PKD1L1: variants seen among roughly 807,000 people sequenced by gnomAD.
PKD1L1 encodes polycystin-1-like protein 1.
A neutral mutation model predicts 323.4 loss-of-function variants in PKD1L1; 236 were observed. The ratio of observed to expected loss-of-function variants is 0.73; its 90% CI spans 0.66 to 0.81. The LOEUF is 0.81. Among genes scored for constraint, PKD1L1 ranks in the 40% least tolerant of loss-of-function variants. The probability of loss-of-function intolerance (pLI) is 0.00; values close to 1 mark genes in which losing one functional copy is unlikely to be tolerated. For synonymous variants in PKD1L1, 1,344 were observed against 1,335.0 expected (o/e 1.01, Z -0.15); for missense variants, 3,320 against 3,508.0 (o/e 0.95, Z 1.35).
rs1786861325 is a variant in PKD1L1 at position 47,788,460 on chromosome 7, G to A, written c.8526+4167C>T. On this transcript the variant is annotated intron_variant, in intron 56 of 56. Transcript: ENST00000289672. Reference sequence around the variant, plus strand: ...TGTGCACCATGCCGGGTTAATTTTTGTTGGCCAGGCTGGTCTCAAACTCCT... The same window carrying A: ...TGTGCACCATGCCGGGTTAATTTTTATTGGCCAGGCTGGTCTCAAACTCCT... Among the ~76,000 whole-genome samples, 3 of 150,184 alleles carry A rather than the reference G, an allele frequency of 2.0e-5. No homozygotes were observed. In the South Asian group the frequency reaches 6.3e-4, roughly 31 times the overall value.
rs116210151 is a variant in PKD1L1, at chr7:47,837,731, G to A, written c.5770-637C>T. ...CCACAGTGTCTGGCACACAGTGGGA[G>A]ATACGTTGTTTAGGAATTGCACTAA... On this transcript the variant is annotated intron_variant, in intron 36 of 56. Coordinates refer to ENST00000289672, the MANE Select transcript of PKD1L1 (RefSeq NM_138295.5). Among the ~76,000 whole-genome samples, 1,298 of 152,270 alleles carry A rather than the reference G, an allele frequency of 8.5e-3. 25 individuals carry two copies. The highest frequency in any genetic ancestry group is 0.029 in the African/African-American group (1,187 of 41,550).
At chr7:47,855,394 C>G in intron 28 of PKD1L1, 129 bp from the exon 29 acceptor site, 1 of 583,102 alleles carries the variant, frequency 1.7e-6, no homozygotes, top group Non-Finnish European at 2.9e-6. Context: ...ATATTAGAAG[C>G]TAGCATACAA....
intron 24 of PKD1L1, among the ~76,000 whole-genome samples, chr7:47,869,246 C>T (rs1292113991): frequency 6.6e-6 from 1 of 152,056 alleles, no homozygotes; most frequent in African/African-American, 2.4e-5. Flanking sequence ...AAATGGCATA[C>T]ATAAATCCAT....
intron 56 of PKD1L1, among the ~76,000 whole-genome samples, chr7:47,791,796 C>T (rs140802412): frequency 1.2e-4 from 19 of 152,298 alleles, no homozygotes; most frequent in African/African-American, 4.6e-4. Flanking sequence ...TTCATTGCCA[C>T]TCAGTCATGT....
chr7:47,840,355 T>TA lies in PKD1L1; in HGVS notation c.5552+105dup. The TA allele has an allele frequency of 1.3e-6, 1 of 745,358 alleles. No individual in the cohort carries two copies. The highest frequency in any genetic ancestry group is 1.7e-5 in the South Asian group (1 of 58,424). The allele number at this position is 745,358 out of a possible 1,614,324, so 46.2% of individuals were successfully genotyped here. A position where few individuals can be genotyped will look rare whatever the true frequency, so the allele number is the denominator to read the frequency against. On this transcript the variant is annotated intron_variant, in intron 35 of 56. Transcript: ENST00000289672. This position sits in a 1 kb window ranked among gnomAD's most constrained non-coding sequence, Gnocchi z 4.1. Reference sequence around the variant, plus strand: ...TTGTATATAAATCGATGCTCACTATTAGAGACCAATGTTATGTATTCTACT... The same window carrying TA: ...TTGTATATAAATCGATGCTCACTATTAAGAGACCAATGTTATGTATTCTACT...
Position 47,812,034 on chromosome 7 carries a change from G to A in PKD1L1, c.7364C>T (p.Ala2455Val). The change falls in exon 50 of 57, where the codon GCC becomes GTC. Residue 2455 changes from alanine to valine, a missense_variant. Physicochemically the swap from Ala to Val is moderately conservative, Grantham distance 64. Transcript: ENST00000289672. ...CATGCTGGCCCTGAGTCGGGACAGG[G>A]CTGTGTGGGCTTCAGTCCTGTAAAA... The part of the protein sequence containing the change: ...LGRTRTEAHT[A>V]LSRLRASMWI... 1.3e-6 allele frequency: 2 copies of A among 1,563,302 alleles called. No homozygotes were observed. The highest frequency in any genetic ancestry group is 1.7e-6 in the Non-Finnish European group (2 of 1,153,758).
intron 41 of PKD1L1, 128 bp downstream of exon 41, chr7:47,832,961 GT>G (rs1189879987): frequency 2.3e-6 from 3 of 1,286,660 alleles, no homozygotes; most frequent in East Asian, 5.2e-5. Flanking sequence ...CCCATGCCTG[GT>G]TTTTAGATGA....
At chr7:47,783,764 T>G (rs1786747702) in intron 56 of PKD1L1, among the ~76,000 whole-genome samples, 1 of 152,188 alleles carries the variant, frequency 6.6e-6, no homozygotes, top group Non-Finnish European at 1.5e-5. Context: ...ACCCTGACCT[T>G]GGACTTCTGG....
chr7:47,783,774 G>A lies in PKD1L1; in HGVS notation c.8527-8608C>T, dbSNP rs193116746. ...CTGACACCCTGACCTTGGACTTCTG[G>A]CCTCCAGACTACAAGAGAATAAATT... On this transcript the variant is annotated intron_variant, in intron 56 of 56. Transcript: ENST00000289672. Among the ~76,000 whole-genome samples, 3 of 152,284 alleles carry A rather than the reference G, an allele frequency of 2.0e-5. No homozygotes were observed. In the East Asian group the frequency reaches 5.8e-4, roughly 29 times the overall value.
At chr7:47,803,145 G>C in intron 53 of PKD1L1, 65 bp downstream of exon 53, 1 of 1,587,272 alleles carries the variant, frequency 6.3e-7, no homozygotes, top group Non-Finnish European at 8.6e-7. Context: ...CCTTGAGAAA[G>C]GCTGACGAGT....
chr7:47,839,587 G>A lies in PKD1L1; in HGVS notation c.5628C>T (p.Phe1876=). 1.2e-6 allele frequency: 2 copies of A among 1,600,444 alleles called. 1 individual carries two copies. Among genetic ancestry groups the A allele is most frequent in the Non-Finnish European group, 1.7e-6 (2 of 1,173,892 alleles). ...HDSRGPSPGW[F]ISHVMVKELH... Reference sequence around the variant, plus strand: ...GCTCCTTCACCATCACGTGGCTGATGAACCAGCCTGGGGAAGGCCCACGGC... The same window carrying A: ...GCTCCTTCACCATCACGTGGCTGATAAACCAGCCTGGGGAAGGCCCACGGC... The change falls in exon 36 of 57, where the codon TTC becomes TTT. Residue 1876 remains phenylalanine (F), a synonymous_variant. Transcript: ENST00000289672. This position sits in a 1 kb window ranked among gnomAD's most constrained non-coding sequence, Gnocchi z 4.3.
rs77154244 is a variant in PKD1L1, at chr7:47,808,520, C to G, written c.7687-133G>C. ...GGGATGCCTTCTGAGAAATGCATCG[C>G]TGGGTGATTTTGTCCTTGGGGGAAC... On this transcript the variant is annotated intron_variant, in intron 51 of 56. Coordinates refer to ENST00000289672, the MANE Select transcript of PKD1L1 (RefSeq NM_138295.5). 54,419 of 1,101,940 alleles carry G rather than the reference C, an allele frequency of 0.049. 1,788 individuals are homozygous for G. Among genetic ancestry groups the G allele is most frequent in the South Asian group, 0.13 (8,620 of 64,644 alleles). The allele number at this position is 1,101,940 out of a possible 1,614,324, so 68.3% of individuals were successfully genotyped here. A position where few individuals can be genotyped will look rare whatever the true frequency, so the allele number is the denominator to read the frequency against.
At position 47,775,031 on chromosome 7, in the gene PKD1L1, T is replaced by A; in HGVS notation, c.*112A>T. The A allele has an allele frequency of 8.5e-7, 1 of 1,171,144 alleles. No individual in the cohort carries two copies. The highest frequency in any genetic ancestry group is 1.2e-6 in the Non-Finnish European group (1 of 808,770). The allele number at this position is 1,171,144 out of a possible 1,614,324, so 72.5% of individuals were successfully genotyped here. ...GTGAACTGGAAAAATTAACAAAACT[T>A]CTTCGTACCTCAGCTCTTCTCACCT... On this transcript the variant is annotated 3_prime_UTR_variant, in exon 57 of 57. Transcript: ENST00000289672.
At position 47,792,756 on chromosome 7, in the gene PKD1L1, A is replaced by G. The variant is rs761875478; in HGVS notation, c.8397T>C (p.Leu2799=). ...CGGACAAACCATTAATCTTCATCAG[A>G]AGTTCGTCTAACAGATTTGCAAATT... The part of the protein sequence containing the change: ...LDEFANLLDE[L]LMKINGLSDS... The change falls in exon 56 of 57, where the codon CTT becomes CTC. Residue 2799 remains leucine, a synonymous_variant. Coordinates refer to ENST00000289672, the MANE Select transcript of PKD1L1 (RefSeq NM_138295.5). The G allele has an allele frequency of 4.3e-6, 7 of 1,613,996 alleles. No homozygotes were observed. The highest frequency in any genetic ancestry group is 5.1e-6 in the Non-Finnish European group (6 of 1,179,968).
intron 30 of PKD1L1, 119 bp downstream of exon 30, chr7:47,854,763 C>T (rs2128741542): frequency 7.9e-7 from 1 of 1,258,026 alleles, no homozygotes. Context: ...TTTCTTTAAA[C>T]AATGAGCCTC....
chr7:47,856,305 C>T (rs1785903775), intron 28 of PKD1L1, among the ~76,000 whole-genome samples: 1 of 152,204 alleles, frequency 6.6e-6, no homozygotes, highest in Non-Finnish European at 1.5e-5. Context: ...TCCCAAACTG[C>T]TGGGATTACA....
At chr7:47,784,658 A>C (rs1375635894) in intron 56 of PKD1L1, among the ~76,000 whole-genome samples, 1 of 152,094 alleles carries the variant, frequency 6.6e-6, no homozygotes, top group African/African-American at 2.4e-5. Flanking sequence ...TTTTTAGTAG[A>C]AACGGGGTTT....
In PKD1L1 at chr7:47,824,658, C is replaced by T. The variant is rs138853013; in HGVS notation, c.6854+2692G>A. On this transcript the variant is annotated intron_variant, in intron 45 of 56. Transcript: ENST00000289672. ...TTTCCCTTGTTTTATTTAGGGTGAG[C>T]GGATCTACAGGCACGCATATTCTTG... Among the ~76,000 whole-genome samples, 13 of 152,198 alleles carry T rather than the reference C, an allele frequency of 8.5e-5. No individual in the cohort carries two copies. In the East Asian group the frequency reaches 2.3e-3, roughly 27 times the overall value.
At chr7:47,927,505 C>G (rs1269925164) in intron 7 of PKD1L1, among the ~76,000 whole-genome samples, 1 of 152,094 alleles carries the variant, frequency 6.6e-6, no homozygotes, top group Non-Finnish European at 1.5e-5. Flanking sequence ...ACCTCGTGAT[C>G]CACCCGCCTC....
Sources: allele counts gnomAD v4.1 joint callset (sites outside exome capture counted in the v4.1 genomes callset), GRCh38; gene constraint gnomAD v4.1.1; non-coding constraint Gnocchi (gnomAD v3.1); transcripts MANE v1.5; gene names NCBI Gene and HGNC (gene_info 2026-07-23, HGNC 2026-07-21).